ST7: variants seen among roughly 807,000 people sequenced by gnomAD.
ST7 encodes the protein suppressor of tumorigenicity 7 protein.
ST7 carries 28 observed loss-of-function variants against 78.7 expected under a neutral mutation model. The ratio of observed to expected loss-of-function variants is 0.36; its 90% CI spans 0.26 to 0.49. ST7 has a LOEUF of 0.49. Among genes scored for constraint, ST7 ranks in the 20% least tolerant of loss-of-function variants. The probability of loss-of-function intolerance (pLI) is 0.99; values close to 1 mark genes in which losing one functional copy is unlikely to be tolerated. For missense variants in ST7, 418 were observed against 696.0 expected, an observed-to-expected ratio of 0.60 and a Z score of 4.49; for synonymous variants, 247 against 249.6, an observed-to-expected ratio of 0.99 and a Z score of 0.10.
chr7:116,958,289 G>A (rs1018738453), intron 1 of ST7, among the ~76,000 whole-genome samples: 1 of 148,532 alleles, frequency 6.7e-6, no homozygotes, highest in Non-Finnish European at 1.5e-5. Context: ...CACCGTGCCT[G>A]GTCAAGTTAT....
At position 116,997,020 on chromosome 7, in the gene ST7, C is replaced by T. The variant is rs144110627; in HGVS notation, c.151+43329C>T. Among the ~76,000 whole-genome samples the T allele has an allele frequency of 4.9e-4, 74 of 152,210 alleles. No homozygotes were observed. The East Asian group carries it at 0.01, about 21-fold the overall frequency. The stretch of plus-strand genomic sequence containing the variant: ...CTCGCTGACTTCAAGAATGAAGCCA[C>T]GGACCCTCATGGTGAGCGTTACAGT... On this transcript the variant is annotated intron_variant, in intron 1 of 15. Coordinates refer to ENST00000323984, the MANE Select transcript of ST7 (RefSeq NM_001369598.1).
chr7:117,107,923 A>C (rs773458633), intron 2 of ST7, among the ~76,000 whole-genome samples: 9 of 151,588 alleles, frequency 5.9e-5, no homozygotes, highest in Non-Finnish European at 1.2e-4. Flanking sequence ...CCCTTAGCCC[A>C]CTTTTTGAAG....
chr7:117,022,070 A>G (rs1207431842), intron 1 of ST7, among the ~76,000 whole-genome samples: 1 of 152,166 alleles, frequency 6.6e-6, no homozygotes, highest in Non-Finnish European at 1.5e-5. Flanking sequence ...TTCTTGGACT[A>G]GGGACTCTAA....
chr7:116,999,954 G>T (rs1794848138), intron 1 of ST7, among the ~76,000 whole-genome samples: 1 of 151,732 alleles, frequency 6.6e-6, no homozygotes, highest in African/African-American at 2.4e-5. Flanking sequence ...GGGACTACAG[G>T]TGCCTGCCAC....
In ST7 at chr7:117,190,995, C is replaced by T. The variant is rs1427860980; in HGVS notation, c.1254+59C>T. 3 of 1,356,170 alleles carry T rather than the reference C, an allele frequency of 2.2e-6. No homozygotes were observed. The highest frequency in any genetic ancestry group is 3.2e-6 in the Non-Finnish European group (3 of 946,808). The allele number at this position is 1,356,170 out of a possible 1,614,324, so 84.0% of individuals were successfully genotyped here. ...TGATAGCAGAGAAAGCATTCATTGA[C>T]CACAGTGTTGTATCTCAAGTACACC... On this transcript the variant is annotated intron_variant, in intron 12 of 15. Coordinates refer to ENST00000323984, the MANE Select transcript of ST7 (RefSeq NM_001369598.1). The surrounding 1 kb of genome is among the most constrained non-coding windows in gnomAD (Gnocchi z 5.2).
chr7:117,032,533 C>T (rs138486489), intron 1 of ST7, among the ~76,000 whole-genome samples: 219 of 152,190 alleles, frequency 1.4e-3, no homozygotes, highest in African/African-American at 4.6e-3. Flanking sequence ...AGACTTTTCT[C>T]TAAAAACAGA....
intron 12 of ST7, among the ~76,000 whole-genome samples, chr7:117,207,503 C>T (rs58828661): frequency 0.053 from 8,000 of 152,170 alleles, 705 homozygotes; most frequent in African/African-American, 0.18. Context: ...TTCTCAGGTG[C>T]CCCTATTCCT....
chr7:117,073,712 G>A (rs1799141014), intron 1 of ST7: 1 of 152,176 alleles, frequency 6.6e-6, no homozygotes, highest in African/African-American at 2.4e-5. Flanking sequence ...ACCTCAGAGG[G>A]TAGTTATGAG....
chr7:117,014,936 C>T (rs1271659672), intron 1 of ST7: 20 of 1,306,184 alleles, frequency 1.5e-5, no homozygotes, highest in East Asian at 5.9e-5. Context: ...TCCAGGGAGC[C>T]GTTTCATTTT....
chr7:117,092,874 G>A (rs1340101235), intron 1 of ST7, among the ~76,000 whole-genome samples: 2 of 152,210 alleles, frequency 1.3e-5, no homozygotes, highest in African/African-American at 4.8e-5. Context: ...GGAAGGTACT[G>A]TGGCCTTGAA....
Position 117,095,627 on chromosome 7 carries a change from C to T in ST7, c.152-4135C>T, listed in dbSNP as rs566014223. On this transcript the variant is annotated intron_variant, in intron 1 of 15. Transcript: ENST00000323984. ...CCTGTTAGAGGTGCCCAGTCAGGTC[C>T]GATGAAAAGCCCTCTGATTTGTTGA... is the stretch of plus-strand genomic sequence containing the variant. Among the ~76,000 whole-genome samples, 244 of 152,106 alleles carry T rather than the reference C, an allele frequency of 1.6e-3. 1 individual carries two copies. Among genetic ancestry groups the T allele is most frequent in the African/African-American group, 5.4e-3 (224 of 41,492 alleles).
chr7:117,155,602 A>G (rs186806632), intron 9 of ST7, among the ~76,000 whole-genome samples: 17 of 152,322 alleles, frequency 1.1e-4, no homozygotes, highest in Admixed American at 8.5e-4. Context: ...CCCTTGGTTC[A>G]TAGGCCTCCC....
At chr7:117,188,870 A>C (rs1374925490) in intron 10 of ST7, among the ~76,000 whole-genome samples, 1 of 152,210 alleles carries the variant, frequency 6.6e-6, no homozygotes, top group African/African-American at 2.4e-5. Context: ...TGTCCACTAA[A>C]GAATCATTCA....
intron 6 of ST7, among the ~76,000 whole-genome samples, chr7:117,132,714 C>G (rs1804468763): frequency 1.3e-5 from 2 of 151,390 alleles, no homozygotes; most frequent in African/African-American, 4.8e-5. Flanking sequence ...AGTTGAAAAT[C>G]CTGCCATTGT....
At chr7:117,057,198 A>T (rs997233696) in intron 1 of ST7, among the ~76,000 whole-genome samples, 4 of 152,178 alleles carry the variant, frequency 2.6e-5, no homozygotes, top group Non-Finnish European at 4.4e-5. Flanking sequence ...GCTGTATTTC[A>T]TTACCTAATT....
chr7:117,190,237 A>C lies in ST7; in HGVS notation c.1152-597A>C, dbSNP rs1809646968. The C allele has an allele frequency of 6.0e-6, 1 of 167,254 alleles. No homozygotes were observed. The highest frequency in any genetic ancestry group is 1.5e-5 in the Non-Finnish European group (1 of 68,264). 10.4% of individuals were successfully genotyped at this position (167,254 alleles called of 1,614,324 possible). On this transcript the variant is annotated intron_variant, in intron 11 of 15. Coordinates refer to ENST00000323984, the MANE Select transcript of ST7 (RefSeq NM_001369598.1). This position sits in a 1 kb window ranked among gnomAD's most constrained non-coding sequence, Gnocchi z 5.2. ...CTTCCCCTGTGGTGTCTGCCTGCCA[A>C]GCACAGCTCTGGAGTTAGCCCTGGG...
chr7:117,135,082 G>A (rs1357971890), intron 7 of ST7, among the ~76,000 whole-genome samples: 1 of 151,960 alleles, frequency 6.6e-6, no homozygotes, highest in Non-Finnish European at 1.5e-5. Context: ...TAGGGAAATG[G>A]CCACAAGTGA....
chr7:117,048,723 G>A (rs887277140), intron 1 of ST7, among the ~76,000 whole-genome samples: 3 of 152,158 alleles, frequency 2.0e-5, no homozygotes, highest in African/African-American at 7.2e-5. Context: ...GGAAGTTATT[G>A]TTTCAGGTTT....
At chr7:117,103,489 G>A (rs1189441043) in intron 2 of ST7, among the ~76,000 whole-genome samples, 4 of 152,096 alleles carry the variant, frequency 2.6e-5, no homozygotes, top group Non-Finnish European at 5.9e-5. Context: ...CACTGAGAAC[G>A]TACATTGGAG....
Sources: allele counts gnomAD v4.1 joint callset (sites outside exome capture counted in the v4.1 genomes callset), GRCh38; gene constraint gnomAD v4.1.1; non-coding constraint Gnocchi (gnomAD v3.1); transcripts MANE v1.5; gene names NCBI Gene and HGNC (gene_info 2026-07-23, HGNC 2026-07-21).